Variants in GLDC observed in about 807,000 individuals in gnomAD.
GLDC encodes glycine dehydrogenase (decarboxylating), mitochondrial.
A neutral mutation model predicts 121.3 loss-of-function variants in GLDC; 104 were observed. That is an observed-to-expected ratio of 0.86 (90% CI 0.73 to 1.01). GLDC has a LOEUF of 1.01. Ranked by LOEUF, GLDC falls within the 50% of genes least tolerant of loss-of-function variation. GLDC has a pLI of 0.00. For missense variants in GLDC, 1,429 were observed against 1,306.6 expected (o/e 1.09, Z -1.44); for synonymous variants, 546 against 480.6 (o/e 1.14, Z -1.78).
At chr9:6,609,931 T>C (rs188122127) in intron 4 of GLDC, among the ~76,000 whole-genome samples, 1 of 152,108 alleles carries the variant, frequency 6.6e-6, no homozygotes, top group African/African-American at 2.4e-5. Flanking sequence ...GCAGATGTCT[T>C]TACCCCTCGC....
At chr9:6,639,350 A>T (rs1379905642) in intron 2 of GLDC, 1 of 948,362 alleles carries the variant, frequency 1.1e-6, no homozygotes, top group Non-Finnish European at 1.7e-6. Context: ...AGGAGAAACA[A>T]GCTTGACCAC....
chr9:6,590,862 G>T (rs951862308), intron 11 of GLDC, among the ~76,000 whole-genome samples: 4 of 152,186 alleles, frequency 2.6e-5, no homozygotes, highest in African/African-American at 7.2e-5. Context: ...AGAGAACACT[G>T]TGATGCTTCT....
At chr9:6,559,096 T>C (rs1422304958) in intron 16 of GLDC, among the ~76,000 whole-genome samples, 1 of 152,170 alleles carries the variant, frequency 6.6e-6, no homozygotes, top group Non-Finnish European at 1.5e-5. Flanking sequence ...CCAGGACAGA[T>C]GATAATGACA....
At position 6,587,234 on chromosome 9, in the gene GLDC, T is replaced by C. The variant is rs1309899108; in HGVS notation, c.1757A>G (p.Asp586Gly). 1.2e-6 allele frequency: 2 copies of C among 1,613,928 alleles called. No individual in the cohort carries two copies. The highest frequency in any genetic ancestry group is 2.2e-5 in the East Asian group (1 of 44,898). The change falls in exon 15 of 25, where the codon GAT becomes GGT. Residue 586 changes from aspartate (D) to glycine (G), a missense_variant. By Grantham distance (94) the Asp-to-Gly change is moderately conservative. Coordinates refer to ENST00000321612, the MANE Select transcript of GLDC (RefSeq NM_000170.3). Reference protein sequence around the residue: ...FANIHPFVPLDQAQGYQQLFR... With the variant: ...FANIHPFVPLGQAQGYQQLFR... ...AAGCTGCTGATATCCTTGAGCTTGA[T>C]CCAGAGGCACAAAGGGGTGGATGTT...
chr9:6,548,855 G>C (rs1306137933), intron 21 of GLDC, among the ~76,000 whole-genome samples: 1 of 151,962 alleles, frequency 6.6e-6, no homozygotes, highest in African/African-American at 2.4e-5. Context: ...AGGTATCTTT[G>C]CTCTCCCTTC....
chr9:6,618,248 C>G (rs149893957), intron 3 of GLDC, among the ~76,000 whole-genome samples: 1 of 152,240 alleles, frequency 6.6e-6, no homozygotes, highest in East Asian at 1.9e-4. Flanking sequence ...TGGCACCAAT[C>G]CAAAAAGATG....
At chr9:6,588,514 C>T (rs1818313976) in intron 13 of GLDC, 72 bp from the exon 14 acceptor site, 3 of 1,430,434 alleles carry the variant, frequency 2.1e-6, no homozygotes, top group African/African-American at 2.8e-5. Context: ...CTCCATTCTC[C>T]CAGCATGGCC....
intron 7 of GLDC, among the ~76,000 whole-genome samples, chr9:6,602,928 A>T (rs983760761): frequency 6.6e-6 from 1 of 152,174 alleles, no homozygotes; most frequent in African/African-American, 2.4e-5. Context: ...AACAATTAAA[A>T]ATCACACAAA....
chr9:6,576,727 A>G (rs1162498364), intron 15 of GLDC, among the ~76,000 whole-genome samples: 1 of 152,162 alleles, frequency 6.6e-6, no homozygotes, highest in Admixed American at 6.5e-5. Context: ...TCGGCCTCCC[A>G]AAGTGCTGGG....
At chr9:6,556,385 G>A (rs1359665364) in intron 17 of GLDC, 83 bp from the exon 18 acceptor site, 1 of 1,051,108 alleles carries the variant, frequency 9.5e-7, no homozygotes. Flanking sequence ...CATTTTAAAG[G>A]ATGAAGAAAG....
At chr9:6,644,509 C>T in intron 2 of GLDC, 105 bp downstream of exon 2, 1 of 786,548 alleles carries the variant, frequency 1.3e-6, no homozygotes, top group Non-Finnish European at 2.2e-6. Context: ...TCCACACATT[C>T]CCAGTCCTGA....
chr9:6,543,900 G>C lies in GLDC; in HGVS notation c.2570-3754C>G, dbSNP rs554279988. 7.3e-5 allele frequency among the ~76,000 whole-genome samples: 11 copies of C among 151,288 alleles called. No homozygotes were observed. In the South Asian group the frequency reaches 1.5e-3, roughly 20 times the overall value. On this transcript the variant is annotated intron_variant, in intron 21 of 24. Transcript: ENST00000321612. ...GGGGCAAGGAGGACAGGAGGGGGGG[G>C]GATGAAGGAAAAGCAAGGTAAACGT...
At chr9:6,541,112 T>G (rs574285835) in intron 21 of GLDC, 1 of 152,192 alleles carries the variant, frequency 6.6e-6, no homozygotes, top group East Asian at 1.9e-4. Flanking sequence ...AATATAAATT[T>G]TTAGAAAAAG....
At position 6,573,991 on chromosome 9, in the gene GLDC, T is replaced by C. The variant is rs141937901; in HGVS notation, c.1851-8562A>G. Among the ~76,000 whole-genome samples, 381 of 152,340 alleles carry C rather than the reference T, an allele frequency of 2.5e-3. 3 individuals carry two copies. Among genetic ancestry groups the C allele is most frequent in the African/African-American group, 8.7e-3 (362 of 41,572 alleles). On this transcript the variant is annotated intron_variant, in intron 15 of 24. Transcript: ENST00000321612. ...AACGTTAGCCAGGTCTCTATCTCTATGGATTTAAAATCAAAACCCCTCAAC... is the reference window on the plus strand; with the variant it reads ...AACGTTAGCCAGGTCTCTATCTCTACGGATTTAAAATCAAAACCCCTCAAC...
intron 2 of GLDC, among the ~76,000 whole-genome samples, chr9:6,635,879 AAAAT>A (rs1287429514): frequency 6.6e-6 from 1 of 152,126 alleles, no homozygotes; most frequent in Non-Finnish European, 1.5e-5. Flanking sequence ...TGTCTCAAAT[AAAAT>A]AAATAAAATA....
At chr9:6,585,925 CATGAAG>C (rs1235556998) in intron 15 of GLDC, among the ~76,000 whole-genome samples, 3 of 140,954 alleles carry the variant, frequency 2.1e-5, no homozygotes, top group African/African-American at 7.5e-5. Flanking sequence ...CATCTATCAT[CATGAAG>C]GCAGAGAGAC....
At chr9:6,533,230 C>T in intron 24 of GLDC, 70 bp from the exon 25 acceptor site, 2 of 1,297,840 alleles carry the variant, frequency 1.5e-6, no homozygotes, top group Non-Finnish European at 1.1e-6. Context: ...AAGGAGGTGG[C>T]AATGCTAGTC....
chr9:6,644,050 A>AAAAAAAAAAAAAAAC lies in GLDC; in HGVS notation c.334+563_334+564insGTTTTTTTTTTTTTT, dbSNP rs55988287. 1.2e-4 allele frequency among the ~76,000 whole-genome samples: 11 copies of AAAAAAAAAAAAAAAC among 92,730 alleles called. 2 individuals are homozygous for AAAAAAAAAAAAAAAC. Among genetic ancestry groups the AAAAAAAAAAAAAAAC allele is most frequent in the East Asian group, 4.0e-4 (1 of 2,512 alleles). 60.8% of individuals were successfully genotyped at this position (92,730 alleles called of 152,430 possible). On this transcript the variant is annotated intron_variant, in intron 2 of 24. Transcript: ENST00000321612. ...GTCTCAAAAAAAAAAAAAAAAAAAA[A>AAAAAAAAAAAAAAAC]CGAAAAAAAAAAGAAAAGAAAAGAA...
chr9:6,619,498 C>T (rs985953868), intron 3 of GLDC, among the ~76,000 whole-genome samples: 29 of 152,000 alleles, frequency 1.9e-4, no homozygotes, highest in African/African-American at 5.3e-4. Flanking sequence ...GAGGCTGAAG[C>T]GGGCGGATCA....
Sources: gnomAD v4.1 joint callset for allele counts (sites outside exome capture counted in the v4.1 genomes callset) on GRCh38, gnomAD v4.1.1 for gene constraint, MANE v1.5 for transcripts, NCBI Gene and HGNC (gene_info 2026-07-23, HGNC 2026-07-21) for gene names.